The following CRISPLD2 variants were observed in gnomAD, a reference collection of about 807,000 sequenced individuals.
CRISPLD2 encodes cysteine rich secretory protein LCCL domain containing 2.
Under a neutral mutation model 71.1 loss-of-function variants are expected in CRISPLD2, and 47 were observed. The observed-to-expected ratio is 0.66, with a 90% confidence interval of 0.52 to 0.84. CRISPLD2 has a LOEUF of 0.84. Among genes scored for constraint, CRISPLD2 ranks in the 40% least tolerant of loss-of-function variants. The probability of loss-of-function intolerance (pLI) is 0.00; values close to 1 mark genes in which losing one functional copy is unlikely to be tolerated. For synonymous variants in CRISPLD2, 317 were observed against 250.1 expected, an observed-to-expected ratio of 1.27 and a Z score of -2.52; for missense variants, 830 against 651.1, an observed-to-expected ratio of 1.27 and a Z score of -2.99.
intron 1 of CRISPLD2, among the ~76,000 whole-genome samples, chr16:84,826,424 C>T (rs11645414): frequency 0.042 from 6,411 of 152,306 alleles, 189 homozygotes; most frequent in Non-Finnish European, 0.062. Context: ...CTTCAGAGCA[C>T]GTTTCATGCC....
At chr16:84,890,609 C>T (rs2071653079) in intron 14 of CRISPLD2, among the ~76,000 whole-genome samples, 1 of 151,998 alleles carries the variant, frequency 6.6e-6, no homozygotes, top group South Asian at 2.1e-4. Context: ...TTCCTTAAAT[C>T]CCTAGAAGTG....
At chr16:84,880,610 T>C (rs779431956) in intron 13 of CRISPLD2, 26 bp downstream of exon 13, 1 of 1,600,644 alleles carries the variant, frequency 6.2e-7, no homozygotes, top group Non-Finnish European at 8.6e-7. Context: ...TTTCAACAAC[T>C]ATCTCGCAAA....
At chr16:84,896,682 T>G (rs73253450) in intron 14 of CRISPLD2, among the ~76,000 whole-genome samples, 1 of 152,186 alleles carries the variant, frequency 6.6e-6, no homozygotes, top group Non-Finnish European at 1.5e-5. Context: ...ATTTCCGATG[T>G]GGACTTCTGA....
chr16:84,849,253 T>G, intron 3 of CRISPLD2, 132 bp from the exon 4 acceptor site: 3 of 876,662 alleles, frequency 3.4e-6, no homozygotes, highest in Non-Finnish European at 5.2e-6. Flanking sequence ...CGGCTGCCCG[T>G]GGCTGCTCCT....
intron 14 of CRISPLD2, among the ~76,000 whole-genome samples, chr16:84,903,320 T>G (rs2071771841): frequency 6.6e-6 from 1 of 151,926 alleles, no homozygotes; most frequent in African/African-American, 2.4e-5. Context: ...TAGAAGCCTG[T>G]AATCCCAGCA....
At chr16:84,851,034 C>G (rs761727425) in intron 5 of CRISPLD2, among the ~76,000 whole-genome samples, 4 of 152,168 alleles carry the variant, frequency 2.6e-5, no homozygotes, top group Admixed American at 2.0e-4. Flanking sequence ...TTAGACCAAT[C>G]ATAGATGAGG....
At chr16:84,872,259 T>G (rs537941594) in intron 8 of CRISPLD2, among the ~76,000 whole-genome samples, 183 bp from the exon 9 acceptor site, 1 of 152,332 alleles carries the variant, frequency 6.6e-6, no homozygotes, top group African/African-American at 2.4e-5. Context: ...ACGACTGTAT[T>G]GTGCTTGCGT....
chr16:84,891,632 A>AGGGTAC (rs1483063454), intron 14 of CRISPLD2, among the ~76,000 whole-genome samples: 1 of 127,588 alleles, frequency 7.8e-6, no homozygotes, highest in Non-Finnish European at 1.6e-5. Context: ...TCTTTGAGAG[A>AGGGTAC]AAACAGTCTT....
chr16:84,837,324 T>A (rs1051969075), intron 1 of CRISPLD2, among the ~76,000 whole-genome samples: 1 of 151,964 alleles, frequency 6.6e-6, no homozygotes, highest in Non-Finnish European at 1.5e-5. Flanking sequence ...AAACTCTGGG[T>A]CTTTGTAATC....
chr16:84,868,918 C>A lies in CRISPLD2; in HGVS notation c.914+7C>A. 6.5e-7 allele frequency: 1 copy of A among 1,529,302 alleles called. No individual in the cohort carries two copies. The highest frequency in any genetic ancestry group is 8.9e-7 in the Non-Finnish European group (1 of 1,117,354). The allele number at this position is 1,529,302 out of a possible 1,614,324, so 94.7% of individuals were successfully genotyped here. A position where few individuals can be genotyped will look rare whatever the true frequency, so the allele number is the denominator to read the frequency against. On this transcript the variant is annotated splice_region_variant and intron_variant, in intron 8 of 14. Coordinates refer to ENST00000262424, the MANE Select transcript of CRISPLD2 (RefSeq NM_031476.4). ...AAGGGTCCACGTGTAACAGGTGAGC[C>A]TGTGCTGGGCTGTCCTGCCACTGTA... is the stretch of plus-strand genomic sequence containing the variant.
At chr16:84,886,281 A>G (rs970062854) in intron 13 of CRISPLD2, among the ~76,000 whole-genome samples, 1 of 152,200 alleles carries the variant, frequency 6.6e-6, no homozygotes, top group Non-Finnish European at 1.5e-5. Context: ...AGGGCAGCTC[A>G]GGGTGCATTT....
chr16:84,849,268 T>C, intron 3 of CRISPLD2, 117 bp from the exon 4 acceptor site: 1 of 980,964 alleles, frequency 1.0e-6, no homozygotes, highest in Non-Finnish European at 1.5e-6. Context: ...GCTCCTGGAA[T>C]TGGCCGCTAT....
intron 13 of CRISPLD2, among the ~76,000 whole-genome samples, chr16:84,884,441 G>T (rs1459418495): frequency 5.3e-5 from 8 of 152,220 alleles, no homozygotes. Flanking sequence ...ATGGAGAAAG[G>T]CGGGGCTCTG....
chr16:84,849,406 T>C lies in CRISPLD2; in HGVS notation c.381T>C (p.His127=), dbSNP rs754474807. 29 of 1,613,972 alleles carry C rather than the reference T, an allele frequency of 1.8e-5. No homozygotes were observed. The highest frequency in any genetic ancestry group is 2.5e-5 in the Non-Finnish European group (29 of 1,179,882). ...HWGRYRSPGF[H]VQSWYDEVKD... is the part of the protein sequence containing the mutation. ...GCAGGTATCGCTCTCCGGGGTTCCA[T>C]GTGCAGTCCTGGTATGACGAGGTGA... Residue 127 remains histidine (H), a synonymous_variant, in exon 4 of 15, where the codon CAT becomes CAC. Transcript: ENST00000262424.
At chr16:84,871,430 T>C (rs539031813) in intron 8 of CRISPLD2, among the ~76,000 whole-genome samples, 1 of 151,048 alleles carries the variant, frequency 6.6e-6, no homozygotes, top group African/African-American at 2.4e-5. Context: ...TCCCAGCTAC[T>C]TGGGAGACTG....
At chr16:84,845,931 T>C in intron 3 of CRISPLD2, 27 bp downstream of exon 3, 1 of 1,480,032 alleles carries the variant, frequency 6.8e-7, no homozygotes, top group Non-Finnish European at 9.4e-7. Context: ...CCTCTCCGGC[T>C]GCCGCAGGAC....
rs527758370 is a variant in CRISPLD2 at position 84,826,122 on chromosome 16, G to A, written c.-75+5989G>A. 9.2e-5 allele frequency among the ~76,000 whole-genome samples: 14 copies of A among 152,318 alleles called. No individual in the cohort carries two copies. The South Asian group carries it at 2.3e-3, about 25-fold the overall frequency. ...AGAAAGCTAAAGAAGGCTTGCCCTG[G>A]GGCCCTGGCACAAAGGTGGGGCATG... is the stretch of plus-strand genomic sequence containing the variant. On this transcript the variant is annotated intron_variant, in intron 1 of 14. Transcript: ENST00000262424.
intron 5 of CRISPLD2, among the ~76,000 whole-genome samples, chr16:84,852,638 G>A (rs1298019753): frequency 2.0e-5 from 3 of 152,186 alleles, no homozygotes; most frequent in Admixed American, 2.0e-4. Flanking sequence ...GGGTGAGGAG[G>A]GTGGCTGGGA....
intron 6 of CRISPLD2, among the ~76,000 whole-genome samples, chr16:84,856,897 G>A (rs1021427136): frequency 3.9e-5 from 6 of 152,186 alleles, no homozygotes; most frequent in East Asian, 1.9e-4. Flanking sequence ...ATACTATGAC[G>A]GTGGATATGG....
Sources: gnomAD v4.1 joint callset for allele counts (sites outside exome capture counted in the v4.1 genomes callset) on GRCh38, gnomAD v4.1.1 for gene constraint, MANE v1.5 for transcripts, NCBI Gene and HGNC (gene_info 2026-07-23, HGNC 2026-07-21) for gene names.